TRANK1: variants seen among roughly 807,000 people sequenced by gnomAD.
TRANK1 encodes TPR and ankyrin repeat-containing protein 1.
In TRANK1, 198 loss-of-function variants were observed where a neutral mutation model predicts 266.0. The ratio of observed to expected loss-of-function variants is 0.74; its 90% CI spans 0.66 to 0.84. The LOEUF is 0.84. TRANK1 is among the 40% of genes least tolerant of loss of function. The pLI is 0.00. For synonymous variants in TRANK1, 1,396 were observed against 1,384.1 expected, an observed-to-expected ratio of 1.01 and a Z score of -0.19; for missense variants, 3,326 against 3,634.6, an observed-to-expected ratio of 0.92 and a Z score of 2.18.
chr3:36,842,535 TG>T, intron 18 of TRANK1, 86 bp downstream of exon 18: 1 of 1,193,390 alleles, frequency 8.4e-7, no homozygotes, highest in Non-Finnish European at 1.2e-6. Flanking sequence ...CATCCTTTCC[TG>T]GTGACAAACA....
chr3:36,890,073 T>G, intron 7 of TRANK1, 113 bp from the exon 8 acceptor site: 1 of 1,400,116 alleles, frequency 7.1e-7, no homozygotes. Flanking sequence ...GCAAAGCAAG[T>G]CAGTGTGGAC....
chr3:36,933,414 T>C (rs2080386467), intron 1 of TRANK1, among the ~76,000 whole-genome samples: 1 of 152,242 alleles, frequency 6.6e-6, no homozygotes, highest in African/African-American at 2.4e-5. Context: ...CTTAGGATTT[T>C]GAATGTTATT....
At position 36,866,036 on chromosome 3, in the gene TRANK1, G is replaced by C. The variant is rs113700984; in HGVS notation, c.1079-1556C>G. On this transcript the variant is annotated intron_variant, in intron 9 of 23. Transcript: ENST00000645898. ...AGACAGACAGAAAGAAAGAGAGAGA[G>C]AGACAGACAGAAAGAAAAAGAAAGA... is the stretch of plus-strand genomic sequence containing the variant. Among the ~76,000 whole-genome samples, 24 of 138,596 alleles carry C rather than the reference G, an allele frequency of 1.7e-4. No homozygotes were observed. In the South Asian group the frequency reaches 2.3e-3, roughly 13 times the overall value. 90.9% of individuals were successfully genotyped at this position (138,596 alleles called of 152,430 possible).
intron 8 of TRANK1, among the ~76,000 whole-genome samples, chr3:36,877,947 C>T (rs1463547575): frequency 1.3e-5 from 2 of 152,044 alleles, no homozygotes; most frequent in Non-Finnish European, 2.9e-5. Flanking sequence ...ACCAGTAAAA[C>T]AAATACTGAA....
At chr3:36,931,699 C>T (rs1559480254) in intron 1 of TRANK1, among the ~76,000 whole-genome samples, 1 of 152,006 alleles carries the variant, frequency 6.6e-6, no homozygotes, top group Non-Finnish European at 1.5e-5. Context: ...AAGACCCTGT[C>T]ACAAAAAGAA....
chr3:36,860,392 GAC>G (rs754528313), intron 11 of TRANK1, among the ~76,000 whole-genome samples: 2 of 152,150 alleles, frequency 1.3e-5, no homozygotes, highest in Non-Finnish European at 2.9e-5. Context: ...GCACACTCCA[GAC>G]ACACACCCAG....
intron 1 of TRANK1, among the ~76,000 whole-genome samples, chr3:36,922,117 G>T (rs1264169521): frequency 6.6e-6 from 1 of 152,096 alleles, no homozygotes; most frequent in African/African-American, 2.4e-5. Flanking sequence ...CTGCACTCCA[G>T]CCTGGGTGAC....
At chr3:36,834,928 C>G in intron 20 of TRANK1, 21 bp from the exon 21 acceptor site, 5 of 1,586,914 alleles carry the variant, frequency 3.2e-6, no homozygotes, top group Non-Finnish European at 4.3e-6. Context: ...GTAAATTTTA[C>G]TTTTATTTAG....
At chr3:36,926,771 C>A (rs1038583916) in intron 1 of TRANK1, among the ~76,000 whole-genome samples, 2 of 152,134 alleles carry the variant, frequency 1.3e-5, no homozygotes, top group Non-Finnish European at 2.9e-5. Flanking sequence ...TTCCTTTATG[C>A]CTATAAATGG....
rs77704061 is a variant in TRANK1 at position 36,853,519 on chromosome 3, C to T, written c.4550-1174G>A. ...AGCAAATAAGCTTCTACTGTGGTTC[C>T]CTTCCCATTAGGAGTTAGCAGGGGC... On this transcript the variant is annotated intron_variant, in intron 13 of 23. Coordinates refer to ENST00000645898, the MANE Select transcript of TRANK1 (RefSeq NM_001329998.2). 2.1e-3 allele frequency among the ~76,000 whole-genome samples: 327 copies of T among 152,254 alleles called. 2 individuals carry two copies. The highest frequency in any genetic ancestry group is 7.2e-3 in the African/African-American group (299 of 41,520).
chr3:36,896,570 G>A (rs1260118162), intron 4 of TRANK1, among the ~76,000 whole-genome samples: 1 of 152,296 alleles, frequency 6.6e-6, no homozygotes, highest in African/African-American at 2.4e-5. Flanking sequence ...AAGAAGTCCT[G>A]TTAACTGCCC....
chr3:36,858,665 T>C, intron 12 of TRANK1, 53 bp downstream of exon 12: 1 of 1,441,626 alleles, frequency 6.9e-7, no homozygotes, highest in East Asian at 2.5e-5. Context: ...GCATCAGTTC[T>C]AATATCCAGC....
At chr3:36,907,333 AG>A (rs2079984509) in intron 2 of TRANK1, among the ~76,000 whole-genome samples, 1 of 151,948 alleles carries the variant, frequency 6.6e-6, no homozygotes, top group Non-Finnish European at 1.5e-5. Context: ...TATTTTTAGT[AG>A]AGATGGGGTT....
intron 1 of TRANK1, among the ~76,000 whole-genome samples, chr3:36,935,044 C>T (rs2080405861): frequency 6.6e-6 from 1 of 152,202 alleles, no homozygotes; most frequent in Admixed American, 6.5e-5. Context: ...AGATCATGTG[C>T]TATGTGTCCA....
Position 36,857,094 on chromosome 3 carries a change from C to T in TRANK1, c.2628G>A (p.Gln876=). The change falls in exon 13 of 24, where the codon CAG becomes CAA. Residue 876 remains glutamine, a synonymous_variant. Coordinates refer to ENST00000645898, the MANE Select transcript of TRANK1 (RefSeq NM_001329998.2). This position sits in a 1 kb window ranked among gnomAD's most constrained non-coding sequence, Gnocchi z 4.3. ...LGNGEWTQGL[Q]KRLKHLKGSI... ...TTCCTTTCAGGTGCTTCAGTCGCTT[C>T]TGCAGGCCCTGGGTCCACTCGCCAT... The T allele has an allele frequency of 6.2e-7, 1 of 1,614,066 alleles. No homozygotes were observed. The highest frequency in any genetic ancestry group is 1.1e-5 in the South Asian group (1 of 91,090).
intron 1 of TRANK1, chr3:36,908,686 T>C: frequency 1.1e-6 from 1 of 950,676 alleles, no homozygotes; most frequent in Non-Finnish European, 1.3e-6. Flanking sequence ...CCAATTCCAT[T>C]TATTCAGCAT....
intron 6 of TRANK1, among the ~76,000 whole-genome samples, chr3:36,892,552 A>G (rs544610681): frequency 1.3e-5 from 2 of 152,310 alleles, no homozygotes; most frequent in African/African-American, 2.4e-5. Flanking sequence ...TCGCCTTGCG[A>G]GGCGCAGTGA....
chr3:36,860,620 C>T (rs751218497), intron 11 of TRANK1, among the ~76,000 whole-genome samples: 3 of 152,092 alleles, frequency 2.0e-5, no homozygotes, highest in African/African-American at 4.8e-5. Context: ...AGCCAAGGAC[C>T]CTTCACACAC....
In TRANK1 at chr3:36,838,378, C is replaced by T; in HGVS notation, c.5511G>A (p.Leu1837=). ...AGCGGACTAGGAGCCATACCTTTCC[C>T]AGCCTCTCGCACAGCTGGGCAGAGA... is the stretch of plus-strand genomic sequence containing the variant. ...FQLSAQLCER[L]GKIRDAAYFY... The change falls in exon 20 of 24, where the codon CTG becomes CTA. Residue 1837 remains leucine, a synonymous_variant. Coordinates refer to ENST00000645898, the MANE Select transcript of TRANK1 (RefSeq NM_001329998.2). The T allele has an allele frequency of 1.2e-6, 2 of 1,613,948 alleles. No individual in the cohort carries two copies. The highest frequency in any genetic ancestry group is 1.7e-6 in the Non-Finnish European group (2 of 1,179,864).
Sources: allele counts gnomAD v4.1 joint callset (sites outside exome capture counted in the v4.1 genomes callset), GRCh38; gene constraint gnomAD v4.1.1; non-coding constraint Gnocchi (gnomAD v3.1); transcripts MANE v1.5; gene names NCBI Gene and HGNC (gene_info 2026-07-23, HGNC 2026-07-21).